The following PPARGC1A variants were observed in gnomAD, a reference collection of about 807,000 sequenced individuals.
PPARGC1A encodes PPARG coactivator 1 alpha, also known as peroxisome proliferator-activated receptor gamma coactivator 1-alpha.
Under a neutral mutation model 88.7 loss-of-function variants are expected in PPARGC1A, and 25 were observed. The ratio of observed to expected loss-of-function variants is 0.28; its 90% confidence interval spans 0.21 to 0.39. The LOEUF (loss-of-function observed/expected upper bound fraction) is 0.39. PPARGC1A is among the 10% of genes least tolerant of loss of function. The pLI, the probability that PPARGC1A is intolerant of heterozygous loss-of-function variation, is 1.00. For synonymous variants in PPARGC1A, 363 were observed against 355.6 expected (o/e 1.02, Z -0.24); for missense variants, 880 against 968.7 (o/e 0.91, Z 1.22).
rs909148032 is a variant in PPARGC1A at position 23,823,127 on chromosome 4, A to AC, written c.877+1152_877+1153insG. Among the ~76,000 whole-genome samples the AC allele has an allele frequency of 7.2e-5, 11 of 151,736 alleles. 1 individual carries two copies. Among genetic ancestry groups the AC allele is most frequent in the Admixed American group, 2.0e-4 (3 of 15,198 alleles). On this transcript the variant is annotated intron_variant, in intron 7 of 12. Transcript: ENST00000264867. ...AGTGTGGAAAAATATTCCTGTAAAA[A>AC]AAAACTCAAAAAAGGTCATTGCTAA...
At position 23,847,540 on chromosome 4, in the gene PPARGC1A, A is replaced by G. The variant is rs577930851; in HGVS notation, c.235-15789T>C. On this transcript the variant is annotated intron_variant, in intron 2 of 12. Coordinates refer to ENST00000264867, the MANE Select transcript of PPARGC1A (RefSeq NM_013261.5). ...CATCAGATTGAACACCTTTAAAAAC[A>G]AAGAATCACAGATCACATTAGAGTT... is the stretch of plus-strand genomic sequence containing the variant. Among the ~76,000 whole-genome samples the G allele has an allele frequency of 2.0e-5, 3 of 152,358 alleles. No individual in the cohort carries two copies. In the East Asian group the frequency reaches 5.8e-4, roughly 29 times the overall value.
At chr4:24,122,418 T>TGTGTGTGTGC in the PPARGC1A span, among the ~76,000 whole-genome samples, 1 of 96,880 alleles carries the variant, frequency 1.0e-5, no homozygotes, top group African/African-American at 3.5e-5. Context: ...TGTGTGTGCA[T>TGTGTGTGTGC]ATATATATAT....
intron 5 of PPARGC1A, among the ~76,000 whole-genome samples, chr4:23,827,603 A>G (rs1249048905): frequency 1.3e-5 from 2 of 152,148 alleles, no homozygotes; most frequent in African/African-American, 4.8e-5. Flanking sequence ...AGAAAATTGT[A>G]TCTCTGCCAA....
intron 2 of PPARGC1A, among the ~76,000 whole-genome samples, chr4:23,847,984 A>G (rs1401423640): frequency 6.6e-6 from 1 of 152,174 alleles, no homozygotes; most frequent in African/African-American, 2.4e-5. Flanking sequence ...TTAAATAATT[A>G]ATCAAAGTCA....
chr4:23,927,189 A>G, the PPARGC1A span, among the ~76,000 whole-genome samples: 5 of 152,224 alleles, frequency 3.3e-5, no homozygotes, highest in Non-Finnish European at 7.3e-5. Context: ...AATGTAATTT[A>G]TTGAATACTG....
chr4:24,294,615 G>A, the PPARGC1A span, among the ~76,000 whole-genome samples: 14 of 152,128 alleles, frequency 9.2e-5, no homozygotes, highest in Non-Finnish European at 1.8e-4. Flanking sequence ...AGTTTGCTGT[G>A]GGTAAAGAAT....
chr4:24,209,409 A>G, the PPARGC1A span, among the ~76,000 whole-genome samples: 4 of 152,176 alleles, frequency 2.6e-5, no homozygotes, highest in Non-Finnish European at 5.9e-5. Context: ...ACATTTGGCA[A>G]TATGTGGAGA....
At chr4:24,270,306 CCT>C in the PPARGC1A span, among the ~76,000 whole-genome samples, 2,023 of 147,430 alleles carry the variant, frequency 0.014, 35 homozygotes, top group African/African-American at 0.036. Context: ...AATAAATCAA[CCT>C]CTCTCTCTCT....
At chr4:24,416,966 G>T in the PPARGC1A span, among the ~76,000 whole-genome samples, 2 of 150,542 alleles carry the variant, frequency 1.3e-5, no homozygotes, top group South Asian at 2.1e-4. Context: ...GGAGGCGGAG[G>T]TTGCAGTGAG....
At chr4:23,903,649 G>C (rs1719685546), upstream of PPARGC1A, among the ~76,000 whole-genome samples, 1 of 151,934 alleles carries the variant, frequency 6.6e-6, no homozygotes, top group Non-Finnish European at 1.5e-5. Flanking sequence ...CCAGAAAACT[G>C]GAGCAGTGGA....
chr4:23,945,915 A>C, the PPARGC1A span, among the ~76,000 whole-genome samples: 1 of 152,158 alleles, frequency 6.6e-6, no homozygotes, highest in Non-Finnish European at 1.5e-5. Context: ...GGCCAGCCGC[A>C]TGTGACCTGC....
chr4:23,950,977 G>A, the PPARGC1A span, among the ~76,000 whole-genome samples: 1 of 152,054 alleles, frequency 6.6e-6, no homozygotes, highest in Admixed American at 6.6e-5. Flanking sequence ...GCTACCTTGA[G>A]GATTACGTAG....
the PPARGC1A span, among the ~76,000 whole-genome samples, chr4:24,174,897 T>C: frequency 6.6e-6 from 1 of 152,216 alleles, no homozygotes; most frequent in Non-Finnish European, 1.5e-5. Context: ...TGGCTGGAAA[T>C]GGTGCCCTGC....
chr4:24,352,129 C>A, the PPARGC1A span, among the ~76,000 whole-genome samples: 1 of 151,956 alleles, frequency 6.6e-6, no homozygotes, highest in African/African-American at 2.4e-5. Flanking sequence ...CAGAGCCACC[C>A]GGGAGTGGGA....
chr4:23,805,026 C>T (rs1172940409), intron 10 of PPARGC1A, among the ~76,000 whole-genome samples: 1 of 152,178 alleles, frequency 6.6e-6, no homozygotes, highest in Admixed American at 6.5e-5. Flanking sequence ...GTTCTATTCA[C>T]TACTGTATTT....
At chr4:24,458,698 C>T in the PPARGC1A span, among the ~76,000 whole-genome samples, 6 of 152,110 alleles carry the variant, frequency 3.9e-5, no homozygotes, top group Admixed American at 2.0e-4. Context: ...TAGATATGTA[C>T]GTGATTTAGT....
chr4:24,112,820 C>T, the PPARGC1A span, among the ~76,000 whole-genome samples: 5 of 152,156 alleles, frequency 3.3e-5, no homozygotes, highest in South Asian at 2.1e-4. Flanking sequence ...AAAAGAACGT[C>T]GAGACCCATC....
chr4:23,980,026 C>T, the PPARGC1A span, among the ~76,000 whole-genome samples: 1 of 152,088 alleles, frequency 6.6e-6, no homozygotes, highest in Admixed American at 6.6e-5. Flanking sequence ...TATTTCCTTC[C>T]GGTTGGCTCC....
chr4:23,969,117 A>G, the PPARGC1A span, among the ~76,000 whole-genome samples: 2 of 152,172 alleles, frequency 1.3e-5, no homozygotes, highest in South Asian at 2.1e-4. Context: ...CACAGTAGCT[A>G]GGTGACTTGT....
Sources: allele counts gnomAD v4.1 joint callset (sites outside exome capture counted in the v4.1 genomes callset), GRCh38; gene constraint gnomAD v4.1.1; transcripts MANE v1.5; gene names NCBI Gene and HGNC (gene_info 2026-07-23, HGNC 2026-07-21).